CHADL: variants seen among roughly 807,000 people sequenced by gnomAD.
CHADL encodes the protein chondroadherin-like protein.
In CHADL, 48 loss-of-function variants were observed where a neutral mutation model predicts 52.1. That is an observed-to-expected ratio of 0.92 (90% CI 0.73 to 1.17). The LOEUF (loss-of-function observed/expected upper bound fraction) is 1.17. CHADL is among the 50% of genes most tolerant of loss of function. CHADL has a pLI of 0.00. For missense variants in CHADL, 977 were observed against 1,035.1 expected, an observed-to-expected ratio of 0.94 and a Z score of 0.77; for synonymous variants, 498 against 511.2, an observed-to-expected ratio of 0.97 and a Z score of 0.35.
intron 5 of CHADL, 117 bp downstream of exon 5, chr22:41,235,028 C>G: frequency 9.1e-7 from 1 of 1,094,250 alleles, no homozygotes; most frequent in Non-Finnish European, 1.3e-6. Flanking sequence ...TGGGTCATTG[C>G]CCAGCTCTGG....
intron 5 of CHADL, 45 bp from the exon 6 acceptor site, chr22:41,229,775 G>T: frequency 6.5e-7 from 1 of 1,533,744 alleles, no homozygotes; most frequent in South Asian, 1.2e-5. Flanking sequence ...CATTTTCTGG[G>T]CACCAAGCAG....
At chr22:41,240,756 G>T in intron 1 of CHADL, 118 bp downstream of exon 1, 1 of 1,249,472 alleles carries the variant, frequency 8.0e-7, no homozygotes, top group Non-Finnish European at 1.1e-6. Context: ...GAGAACCCCA[G>T]GAAGTCCCCA....
At chr22:41,234,448 C>G (rs2032698401) in intron 5 of CHADL, among the ~76,000 whole-genome samples, 1 of 151,562 alleles carries the variant, frequency 6.6e-6, no homozygotes, top group Non-Finnish European at 1.5e-5. Context: ...GTGGCGTGAT[C>G]TCTGCTCACT....
intron 5 of CHADL, among the ~76,000 whole-genome samples, chr22:41,232,564 T>C (rs2032641980): frequency 6.6e-6 from 1 of 152,110 alleles, no homozygotes; most frequent in Admixed American, 6.6e-5. Context: ...AGCCTCAAGA[T>C]AAGAGCCCTC....
At position 41,237,661 on chromosome 22, in the gene CHADL, C is replaced by G. The variant is rs1295440099; in HGVS notation, c.1411G>C (p.Gly471Arg). Residue 471 changes from glycine (G) to arginine (R), a missense_variant, in exon 3 of 6, where the codon GGG becomes CGG. Transcript: ENST00000216241. The part of the protein sequence containing the change: ...IAELEAGALA[G>R]LGRLIYLYLS... The stretch of plus-strand genomic sequence containing the variant: ...TACAGGTAGATCAGGCGGCCCAGCC[C>G]GGCCAGGGCGCCCGCTTCCAGCTCC... 2.6e-6 allele frequency: 4 copies of G among 1,544,016 alleles called. No homozygotes were observed. Among genetic ancestry groups the G allele is most frequent in the Non-Finnish European group, 2.6e-6 (3 of 1,142,524 alleles).
chr22:41,232,651 C>T (rs34718663), intron 5 of CHADL, among the ~76,000 whole-genome samples: 1 of 152,130 alleles, frequency 6.6e-6, no homozygotes, highest in Non-Finnish European at 1.5e-5. Context: ...AAAGGAGTAT[C>T]AGAAGGGATG....
At chr22:41,231,877 G>T (rs1364030039) in intron 5 of CHADL, among the ~76,000 whole-genome samples, 2 of 152,148 alleles carry the variant, frequency 1.3e-5, no homozygotes, top group African/African-American at 4.8e-5. Context: ...CCCCTCTGCT[G>T]CAGGGAAAGG....
At position 41,229,656 on chromosome 22, in the gene CHADL, A is replaced by T. The variant is rs749905682; in HGVS notation, c.*48T>A. On this transcript the variant is annotated 3_prime_UTR_variant, in exon 6 of 6. Coordinates refer to ENST00000216241, the MANE Select transcript of CHADL (RefSeq NM_138481.2). ...CTCGTCGGAGCCTGTTCCTGGCGAG[A>T]GTAAGAGCCACCGGGCTGGGTCAAG... 2 of 1,613,200 alleles carry T rather than the reference A, an allele frequency of 1.2e-6. No homozygotes were observed. Among genetic ancestry groups the T allele is most frequent in the East Asian group, 2.2e-5 (1 of 44,884 alleles).
chr22:41,229,627 A>G lies in CHADL; in HGVS notation c.*77T>C. On this transcript the variant is annotated 3_prime_UTR_variant, in exon 6 of 6. Coordinates refer to ENST00000216241, the MANE Select transcript of CHADL (RefSeq NM_138481.2). ...GAGGACGACCCTCAGGGTGCCAGGA[A>G]GATCTCGTCGGAGCCTGTTCCTGGC... 6.2e-7 allele frequency: 1 copy of G among 1,613,832 alleles called. No homozygotes were observed. Among genetic ancestry groups the G allele is most frequent in the Non-Finnish European group, 8.5e-7 (1 of 1,179,980 alleles).
intron 5 of CHADL, chr22:41,231,189 G>A (rs995334922): frequency 2.0e-5 from 3 of 152,172 alleles, no homozygotes; most frequent in African/African-American, 7.2e-5. Flanking sequence ...TGACAGAGCT[G>A]GAGGACACAT....
intron 5 of CHADL, chr22:41,230,541 C>T (rs2032531264): frequency 2.4e-6 from 1 of 418,652 alleles, no homozygotes; most frequent in African/African-American, 2.0e-5. Context: ...ACGCTAGCTG[C>T]CTGCTCTTCC....
rs146672967 is a variant in CHADL, at chr22:41,238,734, A to C, written c.338T>G (p.Leu113Arg). The change falls in exon 3 of 6, where the codon CTC becomes CGC. Residue 113 changes from leucine to arginine, a missense_variant. Physicochemically the swap from Leu to Arg is moderately radical, Grantham distance 102. Transcript: ENST00000216241. The surrounding 1 kb of genome is among the most constrained non-coding windows in gnomAD (Gnocchi z 4.9). ...EGAFRGLGRL[L>R]LLNLASNHLR... The stretch of plus-strand genomic sequence containing the variant: ...GTGGTTGGAGGCCAGGTTGAGCAGG[A>C]GCAGGCGGCCCAGGCCACGGAAGGC... The C allele has an allele frequency of 1.4e-3, 2,209 of 1,548,546 alleles. 20 individuals carry two copies. The African/African-American group carries it at 0.026, about 18-fold the overall frequency.
At chr22:41,240,692 C>T in intron 1 of CHADL, 182 bp downstream of exon 1, 2 of 643,904 alleles carry the variant, frequency 3.1e-6, no homozygotes, top group Non-Finnish European at 5.4e-6. Flanking sequence ...CAGTTCCTGG[C>T]AGTGGCCACA....
chr22:41,230,321 C>G, intron 5 of CHADL: 1 of 1,117,410 alleles, frequency 8.9e-7, no homozygotes, highest in Non-Finnish European at 1.4e-6. Flanking sequence ...ACCACCATGC[C>G]TCCACCTGAC....
chr22:41,237,486 T>C lies in CHADL; in HGVS notation c.1586A>G (p.Gln529Arg). 6.4e-7 allele frequency: 1 copy of C among 1,550,510 alleles called. No individual in the cohort carries two copies. The highest frequency in any genetic ancestry group is 8.7e-7 in the Non-Finnish European group (1 of 1,146,930). The part of the protein sequence containing the change: ...ALPSLFSLHL[Q>R]DNAVDRLAPG... ...TGCCAGGCGGTCCACAGCGTTGTCC[T>C]GCAGGTGCAGGGAGAAGAGGCTGGG... is the stretch of plus-strand genomic sequence containing the variant. The change falls in exon 3 of 6, where the codon CAG becomes CGG. Residue 529 changes from glutamine (Q) to arginine (R), a missense_variant. Coordinates refer to ENST00000216241, the MANE Select transcript of CHADL (RefSeq NM_138481.2).
At position 41,237,682 on chromosome 22, in the gene CHADL, G is replaced by T; in HGVS notation, c.1390C>A (p.Leu464Met). The T allele has an allele frequency of 1.3e-6, 2 of 1,542,614 alleles. No homozygotes were observed. Among genetic ancestry groups the T allele is most frequent in the Non-Finnish European group, 1.8e-6 (2 of 1,142,088 alleles). The change falls in exon 3 of 6, where the codon CTG (leucine) becomes ATG (methionine). Residue 464 changes from leucine (L) to methionine (M), a missense_variant. By Grantham distance (15) the Leu-to-Met change is conservative. Transcript: ENST00000216241. Reference protein sequence around the residue: ...LHLQHCGIAELEAGALAGLGR... With the variant: ...LHLQHCGIAEMEAGALAGLGR... ...AGCCCGGCCAGGGCGCCCGCTTCCAGCTCCGCGATGCCGCAGTGCTGCAGG... is the reference window on the plus strand; with the variant it reads ...AGCCCGGCCAGGGCGCCCGCTTCCATCTCCGCGATGCCGCAGTGCTGCAGG...
chr22:41,230,851 A>G (rs912030636), intron 5 of CHADL: 4 of 152,302 alleles, frequency 2.6e-5, no homozygotes, highest in African/African-American at 9.7e-5. Context: ...GCTAAGAAGC[A>G]GTGACCAGGA....
chr22:41,230,248 C>T, intron 5 of CHADL: 2 of 1,612,150 alleles, frequency 1.2e-6, no homozygotes, highest in Non-Finnish European at 1.7e-6. Context: ...AAACAGACGA[C>T]TGAGCCTTCC....
At chr22:41,240,577 C>G (rs1021580744) in intron 1 of CHADL, among the ~76,000 whole-genome samples, 1 of 152,256 alleles carries the variant, frequency 6.6e-6, no homozygotes, top group Non-Finnish European at 1.5e-5. Context: ...GAAGGCTGTG[C>G]CTCAGGGCAG....
Sources: gnomAD v4.1 joint callset for allele counts (sites outside exome capture counted in the v4.1 genomes callset) on GRCh38, gnomAD v4.1.1 for gene constraint, Gnocchi (gnomAD v3.1) non-coding constraint, MANE v1.5 for transcripts, NCBI Gene and HGNC (gene_info 2026-07-23, HGNC 2026-07-21) for gene names.